The following RPTOR variants were observed in gnomAD, a reference collection of about 807,000 sequenced individuals.
RPTOR encodes regulatory associated protein of MTOR complex 1.
A neutral mutation model predicts 169.9 loss-of-function variants in RPTOR; 21 were observed. The ratio of observed to expected loss-of-function variants is 0.12; its 90% CI spans 0.09 to 0.18. The LOEUF is 0.18. RPTOR is among the 10% of genes least tolerant of loss of function. RPTOR has a pLI of 1.00. For synonymous variants in RPTOR, 732 were observed against 753.2 expected, an observed-to-expected ratio of 0.97 and a Z score of 0.46; for missense variants, 1,133 against 1,855.9, an observed-to-expected ratio of 0.61 and a Z score of 7.16.
chr17:80,897,723 T>C (rs749782874), intron 20 of RPTOR, among the ~76,000 whole-genome samples: 5 of 152,174 alleles, frequency 3.3e-5, no homozygotes, highest in Non-Finnish European at 5.9e-5. Flanking sequence ...ATTGAGTCTG[T>C]ACCTGCCTAG....
chr17:80,824,700 G>A (rs2067419566), intron 9 of RPTOR, among the ~76,000 whole-genome samples: 1 of 152,244 alleles, frequency 6.6e-6, no homozygotes, highest in African/African-American at 2.4e-5. Context: ...AGCGGGGTGG[G>A]CAGGGCCTCC....
Position 80,708,867 on chromosome 17 carries a change from CCA to C in RPTOR, c.507+869_507+870del. 1.1e-6 allele frequency: 1 copy of C among 915,404 alleles called. No individual in the cohort carries two copies. The highest frequency in any genetic ancestry group is 1.3e-6 in the Non-Finnish European group (1 of 765,822). The allele number at this position is 915,404 out of a possible 1,614,324, so 56.7% of individuals were successfully genotyped here. On this transcript the variant is annotated intron_variant, in intron 4 of 33. Transcript: ENST00000306801. This position sits in a 1 kb window ranked among gnomAD's most constrained non-coding sequence, Gnocchi z 4.2. ...ATTTGGAATCCAGCAAATCCGAGTCCCAGTTTCGGTTGTGCTGTCAGCCTCCT... is the reference window on the plus strand; with the variant it reads ...ATTTGGAATCCAGCAAATCCGAGTCCGTTTCGGTTGTGCTGTCAGCCTCCT...
At chr17:80,773,408 G>C (rs984361502) in intron 6 of RPTOR, among the ~76,000 whole-genome samples, 2 of 152,218 alleles carry the variant, frequency 1.3e-5, no homozygotes, top group African/African-American at 4.8e-5. Flanking sequence ...TATATTCTAG[G>C]GGTGCCTGGG....
intron 24 of RPTOR, among the ~76,000 whole-genome samples, chr17:80,935,786 T>C (rs866440882): frequency 1.5e-4 from 23 of 148,844 alleles, no homozygotes; most frequent in Non-Finnish European, 1.5e-5. Context: ...GAAAAAAAAA[T>C]ATTTCTGACC....
At chr17:80,864,183 C>T (rs1317033628) in intron 13 of RPTOR, among the ~76,000 whole-genome samples, 1 of 152,182 alleles carries the variant, frequency 6.6e-6, no homozygotes, top group Non-Finnish European at 1.5e-5. Context: ...TACACGAAGG[C>T]ATATCGCAAT....
In RPTOR at chr17:80,625,738, G is replaced by A. The variant is rs541480505; in HGVS notation, c.210G>A (p.Val70=). The change falls in exon 2 of 34, where the codon GTG becomes GTA. Residue 70 remains valine (V), a synonymous_variant. Coordinates refer to ENST00000306801, the MANE Select transcript of RPTOR (RefSeq NM_020761.3). ...VALVLCLNVG[V]DPPDVVKTTP... ...TAGTTTTGTGCCTGAATGTTGGTGT[G>A]GACCCTCCCGATGTGGTGAAGACCA... The A allele has an allele frequency of 6.2e-7, 1 of 1,613,610 alleles. No individual in the cohort carries two copies. The highest frequency in any genetic ancestry group is 8.5e-7 in the Non-Finnish European group (1 of 1,179,866).
chr17:80,838,750 G>C (rs369754442), intron 10 of RPTOR, among the ~76,000 whole-genome samples: 1 of 152,174 alleles, frequency 6.6e-6, no homozygotes, highest in African/African-American at 2.4e-5. Context: ...CAGCATCCCC[G>C]CCTCCCGTTG....
chr17:80,592,626 T>C (rs1599583849), intron 1 of RPTOR, among the ~76,000 whole-genome samples: 1 of 152,350 alleles, frequency 6.6e-6, no homozygotes, highest in South Asian at 2.1e-4. Flanking sequence ...CACTTATCTC[T>C]ATGATTGTTT....
intron 2 of RPTOR, among the ~76,000 whole-genome samples, chr17:80,639,585 A>G (rs1234453877): frequency 6.6e-6 from 1 of 152,128 alleles, no homozygotes; most frequent in Non-Finnish European, 1.5e-5. Flanking sequence ...CACAGCCCGC[A>G]CTGTGGGCTT....
chr17:80,800,124 A>G (rs117446496), intron 7 of RPTOR, among the ~76,000 whole-genome samples: 7,617 of 152,140 alleles, frequency 0.05, 231 homozygotes, highest in Middle Eastern at 0.092. Context: ...CACCACTTTC[A>G]TGCCCTCTGG....
In RPTOR at chr17:80,695,853, C is replaced by G. The variant is rs926323711; in HGVS notation, c.349-11988C>G. On this transcript the variant is annotated intron_variant, in intron 3 of 33. Transcript: ENST00000306801. This position sits in a 1 kb window ranked among gnomAD's most constrained non-coding sequence, Gnocchi z 4.9. Reference sequence around the variant, plus strand: ...TGGCTGGAGCTGGTGGGCCAAGGGCCGCAGACCACTTTTGCCCTGCATGGC... The same window carrying G: ...TGGCTGGAGCTGGTGGGCCAAGGGCGGCAGACCACTTTTGCCCTGCATGGC... 6.6e-6 allele frequency among the ~76,000 whole-genome samples: 1 copy of G among 152,218 alleles called. No homozygotes were observed. The highest frequency in any genetic ancestry group is 6.5e-5 in the Admixed American group (1 of 15,286).
chr17:80,872,390 C>T (rs564624697), intron 13 of RPTOR, among the ~76,000 whole-genome samples: 14 of 152,148 alleles, frequency 9.2e-5, no homozygotes, highest in Non-Finnish European at 1.3e-4. Context: ...GGGAGAACTG[C>T]GGACCAGGAA....
At chr17:80,560,010 C>T (rs923224737) in intron 1 of RPTOR, among the ~76,000 whole-genome samples, 2 of 152,182 alleles carry the variant, frequency 1.3e-5, no homozygotes, top group Non-Finnish European at 2.9e-5. Context: ...TGGCACTGCA[C>T]GTAGGGTGCA....
intron 23 of RPTOR, among the ~76,000 whole-genome samples, chr17:80,925,169 C>A (rs1254891329): frequency 6.6e-6 from 1 of 152,178 alleles, no homozygotes; most frequent in Non-Finnish European, 1.5e-5. Context: ...CAGCCCGGGC[C>A]CCTCAATCCC....
intron 4 of RPTOR, among the ~76,000 whole-genome samples, chr17:80,723,798 T>C (rs1054971879): frequency 5.3e-5 from 8 of 151,454 alleles, no homozygotes; most frequent in African/African-American, 1.5e-4. Context: ...TAGATTTTAA[T>C]GACTAAACAG....
At chr17:80,826,737 G>T (rs1007567286) in intron 9 of RPTOR, among the ~76,000 whole-genome samples, 1 of 152,244 alleles carries the variant, frequency 6.6e-6, no homozygotes, top group Non-Finnish European at 1.5e-5. Context: ...GAAGGGCAGG[G>T]CTCCTCCAGT....
chr17:80,891,317 C>T (rs74004037), intron 17 of RPTOR, among the ~76,000 whole-genome samples: 2,240 of 152,368 alleles, frequency 0.015, 57 homozygotes, highest in African/African-American at 0.051. Flanking sequence ...TCAGAAAGGC[C>T]GCCAGCCATC....
intron 2 of RPTOR, among the ~76,000 whole-genome samples, chr17:80,631,023 C>T (rs2065437982): frequency 6.6e-6 from 1 of 152,174 alleles, no homozygotes; most frequent in Non-Finnish European, 1.5e-5. Flanking sequence ...TGGCAAACGT[C>T]TGCCTCGATT....
chr17:80,604,523 T>C (rs530044619), intron 1 of RPTOR, among the ~76,000 whole-genome samples: 1 of 152,344 alleles, frequency 6.6e-6, no homozygotes, highest in Non-Finnish European at 1.5e-5. Context: ...GCAGGGTTGC[T>C]GACGATGCTG....
Sources: allele counts gnomAD v4.1 joint callset (sites outside exome capture counted in the v4.1 genomes callset), GRCh38; gene constraint gnomAD v4.1.1; non-coding constraint Gnocchi (gnomAD v3.1); transcripts MANE v1.5; gene names NCBI Gene and HGNC (gene_info 2026-07-23, HGNC 2026-07-21).